Variants in CHD3 observed in about 807,000 individuals in gnomAD.
CHD3 encodes ATP-dependent chromatin remodeler CHD3.
CHD3 carries 52 observed loss-of-function variants against 248.9 expected under a neutral mutation model. That is an observed-to-expected ratio of 0.21 (90% CI 0.17 to 0.26). The LOEUF (loss-of-function observed/expected upper bound fraction) is 0.26. CHD3 is among the 10% of genes least tolerant of loss of function. The probability of loss-of-function intolerance (pLI) is 1.00; values close to 1 mark genes in which losing one functional copy is unlikely to be tolerated. For synonymous variants in CHD3, 985 were observed against 985.2 expected, an observed-to-expected ratio of 1.00 and a Z score of 0.00; for missense variants, 1,482 against 2,605.8, an observed-to-expected ratio of 0.57 and a Z score of 9.39.
rs1313676570 is a variant in CHD3, at chr17:7,907,107, A to C, written c.4667-19A>C. 6.2e-7 allele frequency: 1 copy of C among 1,614,038 alleles called. No homozygotes were observed. The highest frequency in any genetic ancestry group is 8.5e-7 in the Non-Finnish European group (1 of 1,180,022). On this transcript the variant is annotated intron_variant, in intron 30 of 39. Transcript: ENST00000330494. This position sits in a 1 kb window ranked among gnomAD's most constrained non-coding sequence, Gnocchi z 4.3. ...GGGCGGGAGAATCTCTGTCTTTATC[A>C]CTGTGCCTTCCCCTGCAGCTACTCC...
chr17:7,885,307 C>CCCGCCGCCGCCGCCCCCG (rs1555603805), upstream of CHD3: 3 of 157,218 alleles, frequency 1.9e-5, no homozygotes, highest in African/African-American at 8.0e-5. Context: ...GCACCCCTCC[C>CCCGCCGCCGCCGCCCCCG]CCGCCGCCGC....
chr17:7,906,970 C>A lies in CHD3; in HGVS notation c.4605C>A (p.Thr1535=). ...GCTCCTCCAGAGCCTCCTCTCCTAC[C>A]AAAACGTCTCCCACCACTCCTGAGG... ...SKRSSRASSP[T]KTSPTTPEAS... Residue 1535 remains threonine (T), a synonymous_variant, in exon 30 of 40, where the codon ACC becomes ACA. Coordinates refer to ENST00000330494, the MANE Select transcript of CHD3 (RefSeq NM_001005273.3). The surrounding 1 kb of genome is among the most constrained non-coding windows in gnomAD (Gnocchi z 5.0). The A allele has an allele frequency of 1.2e-6, 2 of 1,614,166 alleles. No homozygotes were observed. Among genetic ancestry groups the A allele is most frequent in the Non-Finnish European group, 1.7e-6 (2 of 1,180,026 alleles).
intron 19 of CHD3, 52 bp from the exon 20 acceptor site, chr17:7,901,191 TG>T (rs1220625561): frequency 1.7e-5 from 27 of 1,553,218 alleles, no homozygotes; most frequent in Non-Finnish European, 2.3e-5. Context: ...GGCAAGAATA[TG>T]GGGGCATGTT....
At chr17:7,898,684 C>A in intron 13 of CHD3, 89 bp downstream of exon 13, 1 of 964,164 alleles carries the variant, frequency 1.0e-6, no homozygotes, top group Non-Finnish European at 1.6e-6. Context: ...CCCAGAGATT[C>A]AGTAACCTCT....
At position 7,906,800 on chromosome 17, in the gene CHD3, AG is replaced by A; in HGVS notation, c.4504-67del. On this transcript the variant is annotated intron_variant, in intron 29 of 39. Transcript: ENST00000330494. The surrounding 1 kb of genome is among the most constrained non-coding windows in gnomAD (Gnocchi z 5.0). ...GTAAGCTTGCGCTGGTGTGAGACGG[AG>A]GAGACTGGAGCTTCCTGTCTGTAAG... 1 of 1,599,366 alleles carries A rather than the reference AG, an allele frequency of 6.3e-7. No homozygotes were observed. Among genetic ancestry groups the A allele is most frequent in the Non-Finnish European group, 8.5e-7 (1 of 1,171,238 alleles).
At position 7,899,994 on chromosome 17, in the gene CHD3, G is replaced by A; in HGVS notation, c.2643G>A (p.Val881=). 6.2e-7 allele frequency: 1 copy of A among 1,614,014 alleles called. No individual in the cohort carries two copies. Among genetic ancestry groups the A allele is most frequent in the Non-Finnish European group, 8.5e-7 (1 of 1,179,902 alleles). ...GTTCCATCCGCTGGGCCTGTCTTGT[G>A]GTAGATGAGGCCCATCGACTCAAGA... ...ALGSIRWACL[V]VDEAHRLKNN... The change falls in exon 16 of 40, where the codon GTG becomes GTA. Residue 881 remains valine, a synonymous_variant. Transcript: ENST00000330494. This position sits in a 1 kb window ranked among gnomAD's most constrained non-coding sequence, Gnocchi z 6.8.
Position 7,907,039 on chromosome 17 carries a change from G to A in CHD3, c.4666+8G>A. 6.8e-6 allele frequency: 11 copies of A among 1,614,138 alleles called. No homozygotes were observed. The highest frequency in any genetic ancestry group is 2.7e-5 in the African/African-American group (2 of 75,052). ...CCTGCACCTCTAAACCTGGTAATCA[G>A]AAGTCAGGATGGTGGGAGAGACAGA... On this transcript the variant is annotated splice_region_variant and intron_variant, in intron 30 of 39. Transcript: ENST00000330494. The surrounding 1 kb of genome is among the most constrained non-coding windows in gnomAD (Gnocchi z 4.3).
chr17:7,885,180 A>G, upstream of CHD3: 1 of 977,214 alleles, frequency 1.0e-6, no homozygotes, highest in Non-Finnish European at 1.2e-6. Flanking sequence ...GGCCGAGCCG[A>G]GGCGAATCCG....
chr17:7,896,168 C>G (rs1177023878), intron 10 of CHD3, among the ~76,000 whole-genome samples: 1 of 141,402 alleles, frequency 7.1e-6, no homozygotes, highest in African/African-American at 2.7e-5. Flanking sequence ...GCGGAGCTTG[C>G]AGTGAGCCAA....
In CHD3 at chr17:7,900,301, T is replaced by C; in HGVS notation, c.2694T>C (p.Val898=). The C allele has an allele frequency of 6.2e-7, 1 of 1,614,120 alleles. No homozygotes were observed. ...LKNNQSKFFR[V]LNGYKIDHKL... ...GCCCCATCTTTTAGTTTTTCAGGGTTCTCAATGGTTACAAGATAGATCATA... is the reference window on the plus strand; with the variant it reads ...GCCCCATCTTTTAGTTTTTCAGGGTCCTCAATGGTTACAAGATAGATCATA... The change falls in exon 17 of 40, where the codon GTT becomes GTC. Residue 898 remains valine, a synonymous_variant. Coordinates refer to ENST00000330494, the MANE Select transcript of CHD3 (RefSeq NM_001005273.3). This position sits in a 1 kb window ranked among gnomAD's most constrained non-coding sequence, Gnocchi z 6.5.
intron 20 of CHD3, 25 bp downstream of exon 20, chr17:7,901,400 T>A (rs377390282): frequency 3.3e-5 from 51 of 1,552,778 alleles, no homozygotes; most frequent in Admixed American, 1.9e-5. Flanking sequence ...TAGCTGTCTT[T>A]ACATCTGCTT....
upstream of CHD3, chr17:7,888,682 A>C (rs1968366814): frequency 2.1e-6 from 1 of 477,884 alleles, no homozygotes; most frequent in Admixed American, 4.8e-5. Context: ...AAGCAGGTAC[A>C]GGCCATCCTC....
Position 7,900,831 on chromosome 17 carries a change from C to T in CHD3, c.2979-21C>T, listed in dbSNP as rs1252374072. On this transcript the variant is annotated intron_variant, in intron 18 of 39. Transcript: ENST00000330494. This position sits in a 1 kb window ranked among gnomAD's most constrained non-coding sequence, Gnocchi z 6.5. ...GCTTCCTTTATTTATGTTTCTTTTA[C>T]ACCCCTTTCCTGGCCTTTAGGAAAT... 1.2e-6 allele frequency: 2 copies of T among 1,612,744 alleles called. No homozygotes were observed. Among genetic ancestry groups the T allele is most frequent in the African/African-American group, 1.3e-5 (1 of 74,764 alleles).
In CHD3 at chr17:7,902,675, C is replaced by T. The variant is rs201554552; in HGVS notation, c.3318C>T (p.Ile1106=). 9.9e-5 allele frequency: 160 copies of T among 1,614,008 alleles called. 3 individuals are homozygous for T. In the South Asian group the frequency reaches 1.5e-3, roughly 15 times the overall value. ...ATGAAGGCTACAAGTATGAGCGCAT[C>T]GATGGTGGTATCACGGGTGCCCTGA... is the stretch of plus-strand genomic sequence containing the variant. ...LDYEGYKYER[I]DGGITGALRQ... is the part of the protein sequence containing the mutation. Residue 1106 remains isoleucine (I), a synonymous_variant, in exon 21 of 40, where the codon ATC becomes ATT. Transcript: ENST00000330494.
chr17:7,911,346 C>T lies in CHD3; in HGVS notation c.5882-118C>T, dbSNP rs2151692411. On this transcript the variant is annotated intron_variant, in intron 39 of 39. Transcript: ENST00000330494. This position sits in a 1 kb window ranked among gnomAD's most constrained non-coding sequence, Gnocchi z 5.4. Reference sequence around the variant, plus strand: ...GGGTTTGCCCGGGTCTTCCCTCCCTCACGTGGGACAACGGGAAGTGGCAGG... The same window carrying T: ...GGGTTTGCCCGGGTCTTCCCTCCCTTACGTGGGACAACGGGAAGTGGCAGG... 1 of 1,514,332 alleles carries T rather than the reference C, an allele frequency of 6.6e-7. No homozygotes were observed. 93.8% of individuals were successfully genotyped at this position (1,514,332 alleles called of 1,614,324 possible). A position where few individuals can be genotyped will look rare whatever the true frequency, so the allele number is the denominator to read the frequency against.
intron 20 of CHD3, among the ~76,000 whole-genome samples, chr17:7,902,258 C>CAAAAA: frequency 2.6e-5 from 4 of 151,868 alleles, no homozygotes; most frequent in African/African-American, 9.7e-5. Context: ...CCTGTCTCTA[C>CAAAAA]TTAAAATACA....
intron 2 of CHD3, 71 bp from the exon 3 acceptor site, chr17:7,890,500 T>G: frequency 2.9e-6 from 3 of 1,033,028 alleles, no homozygotes; most frequent in South Asian, 1.8e-5. Context: ...AGGTAAGATA[T>G]GGTATGTGCT....
rs1166174829 is a variant in CHD3, at chr17:7,889,082, TG to T, written c.86del (p.Gly29ValfsTer19). 6.2e-7 allele frequency: 1 copy of T among 1,614,212 alleles called. No individual in the cohort carries two copies. On this transcript the variant is annotated frameshift_variant, in exon 1 of 40. Coordinates refer to ENST00000330494, the MANE Select transcript of CHD3 (RefSeq NM_001005273.3). LOFTEE classifies it high-confidence loss of function. This position sits in a 1 kb window ranked among gnomAD's most constrained non-coding sequence, Gnocchi z 4.5. ...LRISFPPGLC[W>X]GDRMPDKDDI... ...GATTTCTTTTCCTCCAGGACTGTGT[TG>T]GGGTGACAGGATGCCTGGTAATTAT... is the stretch of plus-strand genomic sequence containing the variant.
Position 7,909,657 on chromosome 17 carries a change from A to C in CHD3, c.5590+319A>C. 1 of 406,390 alleles carries C rather than the reference A, an allele frequency of 2.5e-6. No individual in the cohort carries two copies. The highest frequency in any genetic ancestry group is 4.5e-6 in the Non-Finnish European group (1 of 224,710). 25.2% of individuals were successfully genotyped at this position (406,390 alleles called of 1,614,324 possible). A position where few individuals can be genotyped will look rare whatever the true frequency, so the allele number is the denominator to read the frequency against. On this transcript the variant is annotated intron_variant, in intron 37 of 39. Transcript: ENST00000330494. The surrounding 1 kb of genome is among the most constrained non-coding windows in gnomAD (Gnocchi z 8.1). ...CTGCATGCCTGCCATACTGCTTAAC[A>C]TCATCCAGTTAGGGGCCTTGGACTG...
Sources: allele counts gnomAD v4.1 joint callset (sites outside exome capture counted in the v4.1 genomes callset), GRCh38; gene constraint gnomAD v4.1.1; non-coding constraint Gnocchi (gnomAD v3.1); transcripts MANE v1.5; gene names NCBI Gene and HGNC (gene_info 2026-07-23, HGNC 2026-07-21).